TAFA5: variants seen among roughly 807,000 people sequenced by gnomAD.
TAFA5 encodes TAFA chemokine like family member 5, also known as chemokine-like protein TAFA-5.
TAFA5 carries 6 observed loss-of-function variants against 15.3 expected under a neutral mutation model. The observed-to-expected ratio is 0.39, with a 90% CI of 0.21 to 0.77. The LOEUF is 0.77. TAFA5 is among the 30% of genes least tolerant of loss of function. TAFA5 has a pLI of 0.41. For missense variants in TAFA5, 161 were observed against 193.1 expected (o/e 0.83, Z 0.98); for synonymous variants, 103 against 80.7 (o/e 1.28, Z -1.48).
rs1273722332 is a variant in TAFA5, at chr22:48,747,908, A to G, written c.391-1931A>G. 2.0e-5 allele frequency among the ~76,000 whole-genome samples: 3 copies of G among 151,990 alleles called. No homozygotes were observed. In the East Asian group the frequency reaches 5.8e-4, roughly 29 times the overall value. On this transcript the variant is annotated intron_variant, in intron 3 of 3. Transcript: ENST00000402357. ...CAAGACTCTGTCTAAAAAAAAAAAA[A>G]AAAAAAAAGAATAGCGTGTTCCTTC...
intron 2 of TAFA5, among the ~76,000 whole-genome samples, chr22:48,697,379 G>A (rs1020726317): frequency 1.3e-5 from 2 of 152,092 alleles, no homozygotes; most frequent in Non-Finnish European, 1.5e-5. Context: ...GATGATGATG[G>A]TGGTTGTCAT....
intron 1 of TAFA5, among the ~76,000 whole-genome samples, chr22:48,585,662 C>G (rs1569036251): frequency 7.3e-6 from 1 of 136,578 alleles, no homozygotes; most frequent in African/African-American, 2.5e-5. Flanking sequence ...ATTATGCACA[C>G]ACACCACACA....
intron 2 of TAFA5, among the ~76,000 whole-genome samples, chr22:48,672,071 T>C (rs930212367): frequency 7.2e-5 from 11 of 152,230 alleles, no homozygotes; most frequent in African/African-American, 2.7e-4. Context: ...CTGTAAGTGA[T>C]TGAGATAATT....
intron 1 of TAFA5, among the ~76,000 whole-genome samples, chr22:48,628,327 C>T (rs936614743): frequency 2.0e-5 from 3 of 152,238 alleles, no homozygotes; most frequent in East Asian, 1.9e-4. Flanking sequence ...GCACACCCTC[C>T]GTGCCAGTCC....
At chr22:48,655,901 G>A (rs925541917) in intron 2 of TAFA5, among the ~76,000 whole-genome samples, 3 of 144,748 alleles carry the variant, frequency 2.1e-5, no homozygotes, top group Admixed American at 7.1e-5. Flanking sequence ...GTGCAGTGGC[G>A]CGATCTCAGC....
chr22:48,554,297 G>A (rs750743960), intron 1 of TAFA5, among the ~76,000 whole-genome samples: 1 of 152,162 alleles, frequency 6.6e-6, no homozygotes, highest in African/African-American at 2.4e-5. Flanking sequence ...ATTAGGATAG[G>A]AAGGAAATTA....
rs543271954 is a variant in TAFA5 at position 48,591,388 on chromosome 22, TG to T, written c.113-55206del. ...GTGTTCCCGTCGCAAGCCACCCCTCTGGGTCCTGCCCGCTCTCCTCCCACCC... is the reference window on the plus strand; with the variant it reads ...GTGTTCCCGTCGCAAGCCACCCCTCTGGTCCTGCCCGCTCTCCTCCCACCC... On this transcript the variant is annotated intron_variant, in intron 1 of 3. Coordinates refer to ENST00000402357, the MANE Select transcript of TAFA5 (RefSeq NM_001082967.3). Among the ~76,000 whole-genome samples, 239 of 152,354 alleles carry T rather than the reference TG, an allele frequency of 1.6e-3. 1 individual carries two copies. The highest frequency in any genetic ancestry group is 8.1e-3 in the South Asian group (39 of 4,828).
intron 2 of TAFA5, among the ~76,000 whole-genome samples, chr22:48,662,455 G>A (rs1245453707): frequency 2.0e-5 from 3 of 151,726 alleles, no homozygotes; most frequent in Non-Finnish European, 2.9e-5. Flanking sequence ...AAGTGGCAGT[G>A]ACTGTGGTCG....
chr22:48,707,489 G>A lies in TAFA5; in HGVS notation c.263-228G>A, dbSNP rs116993863. On this transcript the variant is annotated intron_variant, in intron 2 of 3. Transcript: ENST00000402357. ...CCTCGATCATTGCTTGCTGCTCCAC[G>A]ACTGGCCGATGGCAGAGCGGGACTT... Among the ~76,000 whole-genome samples the A allele has an allele frequency of 6.6e-4, 100 of 152,216 alleles. No individual in the cohort carries two copies. The East Asian group carries it at 0.018, about 28-fold the overall frequency.
intron 2 of TAFA5, among the ~76,000 whole-genome samples, chr22:48,696,051 G>T (rs142683146): frequency 1.3e-5 from 2 of 152,236 alleles, no homozygotes; most frequent in South Asian, 2.1e-4. Context: ...CACCTGCCCC[G>T]GACCCCTGGT....
chr22:48,570,734 G>T (rs537838746), intron 1 of TAFA5, among the ~76,000 whole-genome samples: 1 of 152,088 alleles, frequency 6.6e-6, no homozygotes, highest in Admixed American at 6.5e-5. Context: ...TTTACATTTC[G>T]CTTTCTACTA....
At chr22:48,741,227 G>A (rs978444641) in intron 3 of TAFA5, among the ~76,000 whole-genome samples, 5 of 152,108 alleles carry the variant, frequency 3.3e-5, no homozygotes, top group African/African-American at 1.2e-4. Flanking sequence ...TTCCCACACT[G>A]CGAAGCCGGA....
intron 2 of TAFA5, among the ~76,000 whole-genome samples, chr22:48,653,400 G>A (rs2147207642): frequency 6.6e-6 from 1 of 152,354 alleles, no homozygotes; most frequent in East Asian, 1.9e-4. Flanking sequence ...TTCAGGCCCA[G>A]CAGGTGGGCA....
intron 1 of TAFA5, among the ~76,000 whole-genome samples, chr22:48,531,205 G>A (rs1031902507): frequency 4.6e-5 from 7 of 152,212 alleles, no homozygotes; most frequent in African/African-American, 1.4e-4. Flanking sequence ...AACCCTTTCG[G>A]CCTTGCATGG....
At chr22:48,537,868 T>C (rs1922225186) in intron 1 of TAFA5, among the ~76,000 whole-genome samples, 1 of 152,174 alleles carries the variant, frequency 6.6e-6, no homozygotes, top group Non-Finnish European at 1.5e-5. Flanking sequence ...CCTCTCTGGC[T>C]GATGGTGGGG....
intron 1 of TAFA5, among the ~76,000 whole-genome samples, chr22:48,502,662 C>T (rs1328388482): frequency 6.6e-6 from 1 of 151,788 alleles, no homozygotes; most frequent in Non-Finnish European, 1.5e-5. Flanking sequence ...GCTGAGACTA[C>T]AGGCGCCCGC....
chr22:48,645,955 CAT>C (rs1220402982), intron 1 of TAFA5, among the ~76,000 whole-genome samples: 2 of 150,252 alleles, frequency 1.3e-5, no homozygotes, highest in East Asian at 2.0e-4. Context: ...CGTACATGCA[CAT>C]ATGTGTGTGT....
Position 48,590,631 on chromosome 22 carries a change from C to T in TAFA5, c.113-55966C>T, listed in dbSNP as rs919411054. Among the ~76,000 whole-genome samples, 6 of 152,048 alleles carry T rather than the reference C, an allele frequency of 3.9e-5. No individual in the cohort carries two copies. The South Asian group carries it at 1.2e-3, about 32-fold the overall frequency. The stretch of plus-strand genomic sequence containing the variant: ...GGGGCTGCCATACACAGACCCAGGA[C>T]TGTGACTCTGAGAGCCCACCGGCTG... On this transcript the variant is annotated intron_variant, in intron 1 of 3. Transcript: ENST00000402357.
In TAFA5 at chr22:48,567,055, C is replaced by G. The variant is rs565684582; in HGVS notation, c.112+77351C>G. ...ACTTGTGGAGGGGCCTTTCTCCACA[C>G]GGGCAGGTGCTGCTTCGGGGCATTT... On this transcript the variant is annotated intron_variant, in intron 1 of 3. Coordinates refer to ENST00000402357, the MANE Select transcript of TAFA5 (RefSeq NM_001082967.3). Among the ~76,000 whole-genome samples, 551 of 152,352 alleles carry G rather than the reference C, an allele frequency of 3.6e-3. 6 individuals are homozygous for G. The highest frequency in any genetic ancestry group is 0.013 in the African/African-American group (529 of 41,580).
Sources: allele counts gnomAD v4.1 joint callset (sites outside exome capture counted in the v4.1 genomes callset), GRCh38; gene constraint gnomAD v4.1.1; transcripts MANE v1.5; gene names NCBI Gene and HGNC (gene_info 2026-07-23, HGNC 2026-07-21).